Variants in CENPC observed in about 807,000 individuals in gnomAD.
CENPC encodes CENP-C 1.
In CENPC, 63 loss-of-function variants were observed where a neutral mutation model predicts 112.1. The observed-to-expected ratio is 0.56, with a 90% CI of 0.46 to 0.69. The LOEUF (loss-of-function observed/expected upper bound fraction) is 0.69, where lower values mean the gene tolerates loss of function less well. Ranked by LOEUF, CENPC falls within the 30% of genes least tolerant of loss-of-function variation. The pLI is 0.00. For synonymous variants in CENPC, 333 were observed against 367.6 expected (o/e 0.91, Z 1.08); for missense variants, 1,000 against 1,103.8 (o/e 0.91, Z 1.33).
intron 7 of CENPC, 138 bp downstream of exon 7, chr4:67,518,018 A>G: frequency 2.0e-6 from 1 of 512,434 alleles, no homozygotes; most frequent in Non-Finnish European, 3.4e-6. Context: ...CTCTCCTTAC[A>G]GGTCAGAAAA....
chr4:67,497,929 T>C (rs1725486141), intron 12 of CENPC, among the ~76,000 whole-genome samples: 1 of 152,114 alleles, frequency 6.6e-6, no homozygotes, highest in Admixed American at 6.6e-5. Flanking sequence ...AATATTTTAT[T>C]GCTAAAAATG....
At position 67,495,206 on chromosome 4, in the gene CENPC, G is replaced by A. The variant is rs1258937466; in HGVS notation, c.2138C>T (p.Ser713Leu). The A allele has an allele frequency of 6.5e-6, 10 of 1,529,300 alleles. No individual in the cohort carries two copies. Among genetic ancestry groups the A allele is most frequent in the Non-Finnish European group, 8.8e-6 (10 of 1,139,414 alleles). 94.7% of individuals were successfully genotyped at this position (1,529,300 alleles called of 1,614,324 possible). A position where few individuals can be genotyped will look rare whatever the true frequency, so the allele number is the denominator to read the frequency against. Residue 713 changes from serine to leucine, a missense_variant, in exon 13 of 19, where the codon TCA becomes TTA. By Grantham distance (145) the Ser-to-Leu change is moderately radical. Coordinates refer to ENST00000273853, the MANE Select transcript of CENPC (RefSeq NM_001812.4). Reference protein sequence around the residue: ...DEEVHGSSDDSKQSKVIPKNR... With the variant: ...DEEVHGSSDDLKQSKVIPKNR... ...CTTTGGTATCACTTTAGATTGTTTT[G>A]AGTCATCTACAAAATGCAAAAGATA... is the stretch of plus-strand genomic sequence containing the variant.
chr4:67,522,978 T>A lies in CENPC; in HGVS notation c.332-3476A>T, dbSNP rs1255937353. ...TTGTGCCATTGCACTCCAGCCTGGG[T>A]GATAAGGGCAAAATTCCATCTCAAA... On this transcript the variant is annotated intron_variant, in intron 5 of 18. Coordinates refer to ENST00000273853, the MANE Select transcript of CENPC (RefSeq NM_001812.4). 2.7e-5 allele frequency among the ~76,000 whole-genome samples: 4 copies of A among 150,528 alleles called. No individual in the cohort carries two copies. In the South Asian group the frequency reaches 8.4e-4, roughly 32 times the overall value.
intron 5 of CENPC, 56 bp from the exon 6 acceptor site, chr4:67,519,558 A>G: frequency 8.4e-7 from 1 of 1,189,228 alleles, no homozygotes; most frequent in Non-Finnish European, 1.1e-6. Flanking sequence ...AAGAGAATCA[A>G]GCAGGCTTTT....
Position 67,530,825 on chromosome 4 carries a change from T to G in CENPC, c.321A>C (p.Thr107=), listed in dbSNP as rs1471648641. The change falls in exon 5 of 19, where the codon ACA becomes ACC. Residue 107 remains threonine (T), a synonymous_variant. Transcript: ENST00000273853. ...LQFVVEPSEA[T]NRSVQAHEVH... ...GGAGATGGCACCAACCTGATCTGTT[T>G]GTGGCTTCACTTGGTTCTACAACAA... 1 of 1,580,706 alleles carries G rather than the reference T, an allele frequency of 6.3e-7. No individual in the cohort carries two copies. Among genetic ancestry groups the G allele is most frequent in the Non-Finnish European group, 8.6e-7 (1 of 1,156,982 alleles).
intron 17 of CENPC, among the ~76,000 whole-genome samples, chr4:67,484,441 C>T (rs1023036300): frequency 5.3e-5 from 8 of 152,224 alleles, no homozygotes; most frequent in African/African-American, 1.9e-4. Flanking sequence ...TAGGAATGGG[C>T]TCACACAGCA....
rs188740500 is a variant in CENPC, at chr4:67,473,077, T to C, written c.2762-402A>G. Reference sequence around the variant, plus strand: ...GAATAAAATCTCAAAATTTTATTTATTTACTTATTTTTTGTTTTTGTTTTT... The same window carrying C: ...GAATAAAATCTCAAAATTTTATTTACTTACTTATTTTTTGTTTTTGTTTTT... On this transcript the variant is annotated intron_variant, in intron 18 of 18. Transcript: ENST00000273853. Among the ~76,000 whole-genome samples, 477 of 151,146 alleles carry C rather than the reference T, an allele frequency of 3.2e-3. 1 individual carries two copies. Among genetic ancestry groups the C allele is most frequent in the African/African-American group, 0.011 (456 of 41,172 alleles).
intron 12 of CENPC, among the ~76,000 whole-genome samples, chr4:67,500,707 TGATATA>T (rs1459786898): frequency 2.0e-5 from 3 of 152,134 alleles, no homozygotes; most frequent in African/African-American, 4.8e-5. Context: ...TAGTCCATAC[TGATATA>T]AATAAAAAGA....
At chr4:67,499,509 T>A (rs1314951287) in intron 12 of CENPC, among the ~76,000 whole-genome samples, 1 of 152,234 alleles carries the variant, frequency 6.6e-6, no homozygotes, top group African/African-American at 2.4e-5. Flanking sequence ...GCTTCAAACT[T>A]TTCTTCTGCT....
Position 67,509,092 on chromosome 4 carries a change from G to C in CENPC, c.1626C>G (p.Ser542Arg). Residue 542 changes from serine to arginine, a missense_variant, in exon 10 of 19, where the codon AGC becomes AGG. Physicochemically the swap from Ser to Arg is moderately radical, Grantham distance 110. Coordinates refer to ENST00000273853, the MANE Select transcript of CENPC (RefSeq NM_001812.4). The stretch of plus-strand genomic sequence containing the variant: ...GTAATTCATTTCTTACTGAAGAATT[G>C]CTATAAACAGGACCTGAAGGATTCA... ...VVKSEESPVY[S>R]NSSVRNELPM... 6.2e-7 allele frequency: 1 copy of C among 1,605,750 alleles called. No homozygotes were observed. The highest frequency in any genetic ancestry group is 8.5e-7 in the Non-Finnish European group (1 of 1,177,930).
intron 17 of CENPC, among the ~76,000 whole-genome samples, chr4:67,488,876 A>G (rs1207674495): frequency 6.6e-6 from 1 of 151,926 alleles, no homozygotes; most frequent in Non-Finnish European, 1.5e-5. Context: ...TTTGACTTTC[A>G]TATGTATCTT....
At chr4:67,505,826 A>G (rs1056111653) in intron 11 of CENPC, among the ~76,000 whole-genome samples, 1 of 152,168 alleles carries the variant, frequency 6.6e-6, no homozygotes, top group Non-Finnish European at 1.5e-5. Flanking sequence ...CATCATAAGT[A>G]CTGAATTTAT....
intron 4 of CENPC, among the ~76,000 whole-genome samples, chr4:67,536,641 C>A (rs778426960): frequency 3.7e-4 from 56 of 151,712 alleles, no homozygotes; most frequent in Non-Finnish European, 7.1e-4. Context: ...CTAGGCCAAG[C>A]TTGCTGCATG....
intron 5 of CENPC, among the ~76,000 whole-genome samples, chr4:67,525,322 C>A (rs780256192): frequency 6.6e-6 from 1 of 152,116 alleles, no homozygotes; most frequent in Non-Finnish European, 1.5e-5. Flanking sequence ...CCAAAACTGA[C>A]AAATGGGATC....
chr4:67,504,406 AG>A (rs1266953684), intron 12 of CENPC, among the ~76,000 whole-genome samples: 1 of 152,178 alleles, frequency 6.6e-6, no homozygotes, highest in Admixed American at 6.5e-5. Context: ...AAAAGTTAAA[AG>A]AATAGTGATT....
intron 17 of CENPC, among the ~76,000 whole-genome samples, chr4:67,479,979 A>G (rs961888461): frequency 6.6e-6 from 1 of 152,242 alleles, no homozygotes; most frequent in African/African-American, 2.4e-5. Flanking sequence ...GAAAAGACCA[A>G]TAACAAGCAA....
At chr4:67,474,556 G>A in intron 18 of CENPC, 1 of 258,940 alleles carries the variant, frequency 3.9e-6, no homozygotes, top group South Asian at 4.2e-5. Flanking sequence ...AAAGTAGCCG[G>A]ATGTGGTGGT....
Position 67,534,486 on chromosome 4 carries a change from A to G in CENPC, c.232-3572T>C, listed in dbSNP as rs1047937283. 5.9e-5 allele frequency among the ~76,000 whole-genome samples: 9 copies of G among 152,230 alleles called. No individual in the cohort carries two copies. In the East Asian group the frequency reaches 7.7e-4, roughly 13 times the overall value. On this transcript the variant is annotated intron_variant, in intron 4 of 18. Transcript: ENST00000273853. ...ATTTACTCTCTTGAGTTTCTTAATCAGAGAGACTGTGATATTAGTGGCATA... is the reference window on the plus strand; with the variant it reads ...ATTTACTCTCTTGAGTTTCTTAATCGGAGAGACTGTGATATTAGTGGCATA...
At chr4:67,542,338 C>T (rs1022104334) in intron 2 of CENPC, among the ~76,000 whole-genome samples, 5 of 152,094 alleles carry the variant, frequency 3.3e-5, no homozygotes, top group African/African-American at 1.2e-4. Flanking sequence ...GGCCTATCAG[C>T]CAGAGTTTAC....
Sources: gnomAD v4.1 joint callset for allele counts (sites outside exome capture counted in the v4.1 genomes callset) on GRCh38, gnomAD v4.1.1 for gene constraint, MANE v1.5 for transcripts, NCBI Gene and HGNC (gene_info 2026-07-23, HGNC 2026-07-21) for gene names.